AP1S1: variants seen among roughly 807,000 people sequenced by gnomAD.
AP1S1 encodes the protein AP-1 complex subunit sigma-1A.
Under a neutral mutation model 23.9 loss-of-function variants are expected in AP1S1, and 13 were observed. That is an observed-to-expected ratio of 0.54 (90% CI 0.35 to 0.86). The LOEUF (loss-of-function observed/expected upper bound fraction) is 0.86. Among genes scored for constraint, AP1S1 ranks in the 40% least tolerant of loss-of-function variants. AP1S1 has a pLI of 0.01. For missense variants in AP1S1, 119 were observed against 197.6 expected (o/e 0.60, Z 2.38); for synonymous variants, 84 against 77.7 (o/e 1.08, Z -0.43).
chr7:101,155,107 C>T lies in AP1S1; in HGVS notation c.3+590C>T. Reference sequence around the variant, plus strand: ...ATCCCGGGCTCCGGGGCTCTCTGCCCCCCTTCCCATTCTCTTTCCGGAATC... The same window carrying T: ...ATCCCGGGCTCCGGGGCTCTCTGCCTCCCTTCCCATTCTCTTTCCGGAATC... On this transcript the variant is annotated intron_variant, in intron 1 of 4. Coordinates refer to ENST00000337619, the MANE Select transcript of AP1S1 (RefSeq NM_001283.5). The T allele has an allele frequency of 3.5e-6, 3 of 863,084 alleles. No individual in the cohort carries two copies. In the South Asian group the frequency reaches 1.6e-4, roughly 45 times the overall value. 53.5% of individuals were successfully genotyped at this position (863,084 alleles called of 1,614,324 possible).
Position 101,160,909 on chromosome 7 carries a change from T to G in AP1S1, c.*343T>G. ...CTGTAAATATATAAATATGTCAGGT[T>G]AAAGGGAAAAGGTGTTCAGGGCACT... On this transcript the variant is annotated 3_prime_UTR_variant, in exon 5 of 5. Coordinates refer to ENST00000337619, the MANE Select transcript of AP1S1 (RefSeq NM_001283.5). 1 of 466,420 alleles carries G rather than the reference T, an allele frequency of 2.1e-6. No individual in the cohort carries two copies. The highest frequency in any genetic ancestry group is 4.2e-6 in the Non-Finnish European group (1 of 240,350). The allele number at this position is 466,420 out of a possible 1,614,324, so 28.9% of individuals were successfully genotyped here. A position where few individuals can be genotyped will look rare whatever the true frequency, so the allele number is the denominator to read the frequency against.
At position 101,161,103 on chromosome 7, in the gene AP1S1, C is replaced by T; in HGVS notation, c.*537C>T. ...AGTTAATTTTTTTCTAACCTTGCCA[C>T]TTTGAGGGAAGGAAGGGTTGGGGGA... On this transcript the variant is annotated 3_prime_UTR_variant, in exon 5 of 5. Transcript: ENST00000337619. 1 of 292,932 alleles carries T rather than the reference C, an allele frequency of 3.4e-6. No individual in the cohort carries two copies. The highest frequency in any genetic ancestry group is 3.0e-5 in the South Asian group (1 of 33,210). The allele number at this position is 292,932 out of a possible 1,614,324, so 18.1% of individuals were successfully genotyped here. A position where few individuals can be genotyped will look rare whatever the true frequency, so the allele number is the denominator to read the frequency against.
rs777673904 is a variant in AP1S1, at chr7:101,154,511, C to T, written c.-4C>T. The T allele has an allele frequency of 6.4e-7, 1 of 1,572,274 alleles. No individual in the cohort carries two copies. Among genetic ancestry groups the T allele is most frequent in the East Asian group, 2.3e-5 (1 of 42,900 alleles). ...GTGGGACGCGCCGAGCCGGAGGCTG[C>T]AGGATGGTAGGCTGTGCGAAGAGGG... On this transcript the variant is annotated 5_prime_UTR_variant, in exon 1 of 5. Transcript: ENST00000337619.
In AP1S1 at chr7:101,158,885, A is replaced by G. The variant is rs376533863; in HGVS notation, c.292-174A>G. Among the ~76,000 whole-genome samples, 199 of 152,310 alleles carry G rather than the reference A, an allele frequency of 1.3e-3. 1 individual carries two copies. Among genetic ancestry groups the G allele is most frequent in the African/African-American group, 4.5e-3 (186 of 41,580 alleles). On this transcript the variant is annotated intron_variant, in intron 3 of 4. Transcript: ENST00000337619. ...GCCACTGCACTGCAGCCTGGACGAC[A>G]GAGCAAGAGACCCTGTCTCTAACAA...
At position 101,160,686 on chromosome 7, in the gene AP1S1, CT is replaced by C. The variant is rs1408835196; in HGVS notation, c.*123del. 2 of 1,196,766 alleles carry C rather than the reference CT, an allele frequency of 1.7e-6. No individual in the cohort carries two copies. Among genetic ancestry groups the C allele is most frequent in the East Asian group, 2.4e-5 (1 of 41,990 alleles). 74.1% of individuals were successfully genotyped at this position (1,196,766 alleles called of 1,614,324 possible). A position where few individuals can be genotyped will look rare whatever the true frequency, so the allele number is the denominator to read the frequency against. On this transcript the variant is annotated 3_prime_UTR_variant, in exon 5 of 5. Coordinates refer to ENST00000337619, the MANE Select transcript of AP1S1 (RefSeq NM_001283.5). ...GGCTGCCCCTCCTCTGCTGCCTCAC[CT>C]TTCGGAGTGAGCTGTGGGCTCAGGC... is the stretch of plus-strand genomic sequence containing the variant.
chr7:101,160,272 C>G (rs907016914), intron 4 of AP1S1, among the ~76,000 whole-genome samples: 4 of 152,084 alleles, frequency 2.6e-5, no homozygotes, highest in African/African-American at 9.7e-5. Context: ...TTTGGGTTCT[C>G]TGGGTGGTGA....
chr7:101,154,802 G>T (rs1167279454), intron 1 of AP1S1: 2 of 792,296 alleles, frequency 2.5e-6, no homozygotes, highest in East Asian at 3.1e-5. Flanking sequence ...GGCCCCTGGG[G>T]TCCCTCGATC....
Position 101,156,367 on chromosome 7 carries a change from G to A in AP1S1, c.4-227G>A, listed in dbSNP as rs117983940. ...TCCATTTTACACATAAGGAAACTGA[G>A]GCCCAGAGACTTACAGTAGTAATTG... On this transcript the variant is annotated intron_variant, in intron 1 of 4. Transcript: ENST00000337619. The A allele has an allele frequency of 7.0e-4, 351 of 501,000 alleles. 2 individuals carry two copies. In the East Asian group the frequency reaches 0.01, roughly 15 times the overall value. The allele number at this position is 501,000 out of a possible 1,614,324, so 31.0% of individuals were successfully genotyped here.
rs374822604 is a variant in AP1S1 at position 101,160,611 on chromosome 7, C to T, written c.*45C>T. ...TGGCGATGGGGTCCTGGCAGCGTGG[C>T]GGGAACGGCTGCTTCTCCTCTGCCC... On this transcript the variant is annotated 3_prime_UTR_variant, in exon 5 of 5. Coordinates refer to ENST00000337619, the MANE Select transcript of AP1S1 (RefSeq NM_001283.5). 49 of 1,598,836 alleles carry T rather than the reference C, an allele frequency of 3.1e-5. No individual in the cohort carries two copies. The African/African-American group carries it at 3.1e-4, about 10-fold the overall frequency.
Position 101,157,363 on chromosome 7 carries a change from G to C in AP1S1, c.183-14G>C, listed in dbSNP as rs187503350. The stretch of plus-strand genomic sequence containing the variant: ...GCAAGCTTGTAGCGATGTCTCATGC[G>C]CTCCTCTCCGCAGATATGCCAGCCT... On this transcript the variant is annotated splice_polypyrimidine_tract_variant and intron_variant, in intron 2 of 4. Coordinates refer to ENST00000337619, the MANE Select transcript of AP1S1 (RefSeq NM_001283.5). The C allele has an allele frequency of 3.2e-6, 5 of 1,549,500 alleles. No individual in the cohort carries two copies. The Admixed American group carries it at 5.8e-5, about 18-fold the overall frequency.
rs1031283555 is a variant in AP1S1, at chr7:101,160,383, G to T, written c.430-136G>T. On this transcript the variant is annotated intron_variant, in intron 4 of 4. Transcript: ENST00000337619. ...TGAAGGGCTCACTGGTCCGGCCTTG[G>T]GCTCACATTGGCTTCTCTCCCCCTC... The T allele has an allele frequency of 3.8e-5, 40 of 1,064,264 alleles. 1 individual carries two copies. In the Middle Eastern group the frequency reaches 1.2e-3, roughly 32 times the overall value. The allele number at this position is 1,064,264 out of a possible 1,614,324, so 65.9% of individuals were successfully genotyped here.
In AP1S1 at chr7:101,155,717, G is replaced by A. The variant is rs191055006; in HGVS notation, c.4-877G>A. ...GCACTGGAGGATGATATGTTTGGGA[G>A]ATCATTAAGATCTTATGGCTATGAT... On this transcript the variant is annotated intron_variant, in intron 1 of 4. Transcript: ENST00000337619. Among the ~76,000 whole-genome samples, 387 of 152,288 alleles carry A rather than the reference G, an allele frequency of 2.5e-3. 1 individual carries two copies. The highest frequency in any genetic ancestry group is 4.6e-3 in the Non-Finnish European group (313 of 68,030).
chr7:101,155,468 C>A (rs1043214973), intron 1 of AP1S1, among the ~76,000 whole-genome samples: 3 of 152,128 alleles, frequency 2.0e-5, no homozygotes, highest in African/African-American at 4.8e-5. Flanking sequence ...AGGGGAACCC[C>A]CTGGGTGGCG....
rs1312302557 is a variant in AP1S1 at position 101,161,141 on chromosome 7, A to G, written c.*575A>G. ...AAGGGTTGGGGGAAGGGCAAGCTTTATGGGACCCTGGTCCTGGCCCTGGCC... is the reference window on the plus strand; with the variant it reads ...AAGGGTTGGGGGAAGGGCAAGCTTTGTGGGACCCTGGTCCTGGCCCTGGCC... On this transcript the variant is annotated 3_prime_UTR_variant, in exon 5 of 5. Transcript: ENST00000337619. 1 of 259,408 alleles carries G rather than the reference A, an allele frequency of 3.9e-6. No individual in the cohort carries two copies. Among genetic ancestry groups the G allele is most frequent in the Non-Finnish European group, 7.4e-6 (1 of 134,870 alleles). 16.1% of individuals were successfully genotyped at this position (259,408 alleles called of 1,614,324 possible). A position where few individuals can be genotyped will look rare whatever the true frequency, so the allele number is the denominator to read the frequency against.
At chr7:101,160,006 A>ACACC (rs147914700) in intron 4 of AP1S1, among the ~76,000 whole-genome samples, 2 of 147,426 alleles carry the variant, frequency 1.4e-5, no homozygotes, top group Non-Finnish European at 3.0e-5. Context: ...ACACACACAC[A>ACACC]CATGCCCTGG....
At chr7:101,155,567 G>A (rs1315579697) in intron 1 of AP1S1, among the ~76,000 whole-genome samples, 1 of 152,216 alleles carries the variant, frequency 6.6e-6, no homozygotes, top group Non-Finnish European at 1.5e-5. Flanking sequence ...AAAAGTTAAA[G>A]AGAAATGTCG....
chr7:101,156,339 A>G (rs1562863457), intron 1 of AP1S1: 1 of 429,508 alleles, frequency 2.3e-6, no homozygotes, highest in Admixed American at 3.7e-5. Context: ...GGCAGGTACA[A>G]TGTCCATTTT....
Position 101,160,977 on chromosome 7 carries a change from A to G in AP1S1, c.*411A>G. On this transcript the variant is annotated 3_prime_UTR_variant, in exon 5 of 5. Transcript: ENST00000337619. ...CATAACCTACCTCCACCCTCCCCCT[A>G]GCCAGCCAGGCAGCTTCTCTGCCTG... 1 of 322,670 alleles carries G rather than the reference A, an allele frequency of 3.1e-6. No individual in the cohort carries two copies. Among genetic ancestry groups the G allele is most frequent in the Non-Finnish European group, 6.1e-6 (1 of 163,776 alleles). 20.0% of individuals were successfully genotyped at this position (322,670 alleles called of 1,614,324 possible). A position where few individuals can be genotyped will look rare whatever the true frequency, so the allele number is the denominator to read the frequency against.
intron 1 of AP1S1, chr7:101,155,050 G>C (rs1346323467): frequency 3.0e-6 from 3 of 986,340 alleles, no homozygotes; most frequent in South Asian, 4.7e-5. Flanking sequence ...AAGTGGACTC[G>C]TGGTTTTTCT....
Sources: allele counts gnomAD v4.1 joint callset (sites outside exome capture counted in the v4.1 genomes callset), GRCh38; gene constraint gnomAD v4.1.1; transcripts MANE v1.5; gene names NCBI Gene and HGNC (gene_info 2026-07-23, HGNC 2026-07-21).